The following PRDM16 variants were observed in gnomAD, a reference collection of about 807,000 sequenced individuals.
PRDM16 encodes PR/SET domain 16.
In PRDM16, 23 loss-of-function variants were observed where a neutral mutation model predicts 110.6. That is an observed-to-expected ratio of 0.21 (90% CI 0.15 to 0.29). The LOEUF is 0.29. PRDM16 is among the 10% of genes least tolerant of loss of function. PRDM16 has a pLI of 1.00. For missense variants in PRDM16, 1,615 were observed against 1,794.3 expected, an observed-to-expected ratio of 0.90 and a Z score of 1.81; for synonymous variants, 799 against 781.8, an observed-to-expected ratio of 1.02 and a Z score of -0.37.
chr1:3,160,248 G>C (rs12033155), intron 1 of PRDM16, among the ~76,000 whole-genome samples: 1 of 152,206 alleles, frequency 6.6e-6, no homozygotes, highest in Non-Finnish European at 1.5e-5. Flanking sequence ...GGGCTGGGCA[G>C]GCAGGATGTG....
intron 1 of PRDM16, among the ~76,000 whole-genome samples, chr1:3,181,386 G>A (rs1213006989): frequency 2.0e-4 from 2 of 10,146 alleles, no homozygotes; most frequent in African/African-American, 3.9e-4. Context: ...TCTTACACAC[G>A]GCCTTACGCA....
intron 9 of PRDM16, among the ~76,000 whole-genome samples, chr1:3,413,209 C>A (rs1643724361): frequency 6.7e-6 from 1 of 148,830 alleles, no homozygotes; most frequent in Non-Finnish European, 1.5e-5. Context: ...CCTCTACCTG[C>A]AGAAGTCAGA....
At chr1:3,405,672 G>A (rs752145993) in intron 8 of PRDM16, 24 bp downstream of exon 8, 11 of 1,547,376 alleles carry the variant, frequency 7.1e-6, no homozygotes, top group Non-Finnish European at 9.6e-6. Context: ...CAGCCTGGCC[G>A]CCTGCCCTCC....
chr1:3,277,905 C>T (rs1640627892), intron 3 of PRDM16, among the ~76,000 whole-genome samples: 1 of 152,214 alleles, frequency 6.6e-6, no homozygotes, highest in South Asian at 2.1e-4. Flanking sequence ...CAGACCCATA[C>T]ACTCATGCAC....
chr1:3,415,694 G>C (rs974981963), intron 10 of PRDM16, among the ~76,000 whole-genome samples: 3 of 152,262 alleles, frequency 2.0e-5, no homozygotes, highest in African/African-American at 7.2e-5. Flanking sequence ...GAGGAAGGGA[G>C]CCCAGCGGGG....
chr1:3,251,888 G>C (rs1639941470), intron 3 of PRDM16, among the ~76,000 whole-genome samples: 1 of 152,190 alleles, frequency 6.6e-6, no homozygotes, highest in Admixed American at 6.5e-5. Flanking sequence ...AGCCTCTTCT[G>C]CTTTAAACAC....
At chr1:3,198,836 G>A (rs766320225) in intron 2 of PRDM16, among the ~76,000 whole-genome samples, 15 of 152,116 alleles carry the variant, frequency 9.9e-5, no homozygotes, top group Non-Finnish European at 1.5e-4. Flanking sequence ...CCATTGTGTC[G>A]TCTCTGTTCA....
At chr1:3,378,153 C>G (rs997286793) in intron 3 of PRDM16, among the ~76,000 whole-genome samples, 1 of 152,240 alleles carries the variant, frequency 6.6e-6, no homozygotes, top group East Asian at 1.9e-4. Context: ...TGTTCAGGTG[C>G]ACATGGCTGC....
intron 1 of PRDM16, among the ~76,000 whole-genome samples, chr1:3,140,117 A>G (rs1643518437): frequency 6.6e-6 from 1 of 152,228 alleles, no homozygotes; most frequent in Non-Finnish European, 1.5e-5. Context: ...TTGGGAAGCG[A>G]TCATTTCTTT....
chr1:3,264,755 C>T (rs1216292351), intron 3 of PRDM16, among the ~76,000 whole-genome samples: 2 of 151,578 alleles, frequency 1.3e-5, no homozygotes, highest in Non-Finnish European at 2.9e-5. Context: ...CCCTGGGGTG[C>T]TGACAGGAGG....
rs149799437 is a variant in PRDM16, at chr1:3,154,751, C to G, written c.38-31374C>G. ...ATGTGGGCTGACCGCTGCTGACCCC[C>G]AGGCCGTTCTCACTCCTCTACCAGG... On this transcript the variant is annotated intron_variant, in intron 1 of 16. Transcript: ENST00000270722. 3.9e-5 allele frequency among the ~76,000 whole-genome samples: 6 copies of G among 152,316 alleles called. No homozygotes were observed. In the East Asian group the frequency reaches 1.2e-3, roughly 29 times the overall value.
rs74048199 is a variant in PRDM16, at chr1:3,097,555, A to C, written c.37+28259A>C. ...TCACACGGTGATGAACTTAAAAATG[A>C]ATTCTTCTCCACTCGCACCTCCAAA... On this transcript the variant is annotated intron_variant, in intron 1 of 16. Transcript: ENST00000270722. 5.5e-3 allele frequency among the ~76,000 whole-genome samples: 821 copies of C among 149,428 alleles called. 4 individuals carry two copies. Among genetic ancestry groups the C allele is most frequent in the African/African-American group, 0.019 (776 of 41,484 alleles).
chr1:3,348,383 G>A (rs903472695), intron 3 of PRDM16, among the ~76,000 whole-genome samples: 2 of 152,240 alleles, frequency 1.3e-5, no homozygotes, highest in African/African-American at 4.8e-5. Flanking sequence ...CTAGGGCCCA[G>A]GAGAAGCAGA....
At chr1:3,130,802 T>C (rs1389005558) in intron 1 of PRDM16, among the ~76,000 whole-genome samples, 1 of 150,956 alleles carries the variant, frequency 6.6e-6, no homozygotes, top group African/African-American at 2.4e-5. Flanking sequence ...GGGCTGTTTT[T>C]TTTTTTTAAT....
intron 6 of PRDM16, among the ~76,000 whole-genome samples, chr1:3,404,047 G>T (rs1345740053): frequency 6.6e-6 from 1 of 152,256 alleles, no homozygotes; most frequent in Non-Finnish European, 1.5e-5. Context: ...AAAAGATACA[G>T]TCTCCTGATG....
At chr1:3,275,919 C>T (rs985328144) in intron 3 of PRDM16, among the ~76,000 whole-genome samples, 1 of 152,230 alleles carries the variant, frequency 6.6e-6, no homozygotes, top group African/African-American at 2.4e-5. Context: ...GCGGCCAAGA[C>T]CATGTTTCCC....
intron 3 of PRDM16, among the ~76,000 whole-genome samples, chr1:3,304,988 C>T (rs1641282266): frequency 6.6e-6 from 1 of 152,216 alleles, no homozygotes; most frequent in South Asian, 2.1e-4. Context: ...GGACAGTGCT[C>T]TGCCCTCCTG....
intron 3 of PRDM16, among the ~76,000 whole-genome samples, chr1:3,274,631 A>G (rs1420380324): frequency 1.3e-5 from 2 of 152,236 alleles, no homozygotes; most frequent in African/African-American, 2.4e-5. Flanking sequence ...CCTGCCTTCC[A>G]GGCTCTGTCA....
intron 3 of PRDM16, among the ~76,000 whole-genome samples, chr1:3,338,415 A>C (rs1396635499): frequency 2.6e-5 from 4 of 152,222 alleles, no homozygotes; most frequent in Admixed American, 2.6e-4. Flanking sequence ...TGCTCTGTTT[A>C]CCCTTCAGTT....
Sources: allele counts gnomAD v4.1 joint callset (sites outside exome capture counted in the v4.1 genomes callset), GRCh38; gene constraint gnomAD v4.1.1; transcripts MANE v1.5; gene names NCBI Gene and HGNC (gene_info 2026-07-23, HGNC 2026-07-21).